Variants in ZNRF3 observed in about 807,000 individuals in gnomAD.
The protein encoded by ZNRF3 is zinc and ring finger 3, also known as E3 ubiquitin-protein ligase ZNRF3.
A neutral mutation model predicts 72.5 loss-of-function variants in ZNRF3; 23 were observed. The observed-to-expected ratio is 0.32, with a 90% CI of 0.23 to 0.45. The LOEUF (loss-of-function observed/expected upper bound fraction) is 0.45, where lower values mean the gene tolerates loss of function less well. Ranked by LOEUF, ZNRF3 falls within the 20% of genes least tolerant of loss-of-function variation. ZNRF3 has a pLI of 1.00. For synonymous variants in ZNRF3, 610 were observed against 545.3 expected (o/e 1.12, Z -1.65); for missense variants, 1,169 against 1,272.1 (o/e 0.92, Z 1.23).
At chr22:29,008,213 C>T (rs1052424226) in intron 2 of ZNRF3, among the ~76,000 whole-genome samples, 1 of 152,152 alleles carries the variant, frequency 6.6e-6, no homozygotes, top group Non-Finnish European at 1.5e-5. Flanking sequence ...AGATTGTATT[C>T]TTACTAGTGA....
intron 1 of ZNRF3, among the ~76,000 whole-genome samples, chr22:28,981,018 A>G (rs1399573120): frequency 6.6e-6 from 1 of 152,236 alleles, no homozygotes; most frequent in Admixed American, 6.5e-5. Context: ...AATGCCTATA[A>G]CTTTTAAATG....
intron 1 of ZNRF3, among the ~76,000 whole-genome samples, chr22:28,974,033 C>T (rs1041886535): frequency 1.5e-4 from 22 of 148,806 alleles, no homozygotes; most frequent in Non-Finnish European, 4.5e-5. Flanking sequence ...TCTCGGCTCA[C>T]TGCAAGCTCC....
chr22:28,952,902 G>C (rs2035190880), intron 1 of ZNRF3, among the ~76,000 whole-genome samples: 1 of 152,180 alleles, frequency 6.6e-6, no homozygotes, highest in African/African-American at 2.4e-5. Flanking sequence ...TTGACTATTA[G>C]GTCTTTTGAG....
At chr22:29,036,087 A>G (rs2036862855) in intron 2 of ZNRF3, among the ~76,000 whole-genome samples, 1 of 152,240 alleles carries the variant, frequency 6.6e-6, no homozygotes, top group Non-Finnish European at 1.5e-5. Context: ...AATGGAGGCT[A>G]TAAACCACAC....
At chr22:29,008,318 C>T (rs1012834126) in intron 2 of ZNRF3, among the ~76,000 whole-genome samples, 9 of 152,160 alleles carry the variant, frequency 5.9e-5, no homozygotes, top group African/African-American at 1.7e-4. Context: ...CCCCGAGGAA[C>T]GAGTTTGCTG....
intron 1 of ZNRF3, among the ~76,000 whole-genome samples, chr22:28,914,871 A>G (rs1277591169): frequency 2.6e-5 from 4 of 151,116 alleles, no homozygotes; most frequent in Non-Finnish European, 5.9e-5. Flanking sequence ...TTGGCAGCTG[A>G]GCTCTGTCTA....
intron 1 of ZNRF3, among the ~76,000 whole-genome samples, chr22:28,912,158 CT>C (rs1201298545): frequency 6.6e-6 from 1 of 152,116 alleles, no homozygotes; most frequent in Non-Finnish European, 1.5e-5. Flanking sequence ...CCTTCAGCAA[CT>C]TTGGAATGTT....
chr22:29,046,802 G>T lies in ZNRF3; in HGVS notation c.831G>T (p.Gly277=). The T allele has an allele frequency of 6.2e-7, 1 of 1,612,048 alleles. No homozygotes were observed. The highest frequency in any genetic ancestry group is 8.5e-7 in the Non-Finnish European group (1 of 1,179,002). Residue 277 remains glycine (G), a synonymous_variant, in exon 6 of 9, where the codon GGG becomes GGT. Coordinates refer to ENST00000544604, the MANE Select transcript of ZNRF3 (RefSeq NM_001206998.2). ...FNSKSKGRRE[G]SCGALDTLSS... ...CCAAGAGCAAGGGGCGCCGGGAGGG[G>T]AGCTGTGGGGCCCTGGACACACTCA...
chr22:29,015,706 C>T (rs988118955), intron 2 of ZNRF3, among the ~76,000 whole-genome samples: 4 of 151,662 alleles, frequency 2.6e-5, no homozygotes, highest in East Asian at 1.9e-4. Flanking sequence ...GACTTCTTTC[C>T]CTCTCCCGTG....
chr22:29,034,035 C>A (rs1458367248), intron 2 of ZNRF3, among the ~76,000 whole-genome samples: 1 of 152,202 alleles, frequency 6.6e-6, no homozygotes, highest in African/African-American at 2.4e-5. Context: ...ATGGTTTCTG[C>A]CCCCTTCGGT....
chr22:28,977,235 CTG>C (rs1476172302), intron 1 of ZNRF3, among the ~76,000 whole-genome samples: 1 of 152,214 alleles, frequency 6.6e-6, no homozygotes, highest in Non-Finnish European at 1.5e-5. Context: ...CTGGAATTCT[CTG>C]TGAAACAGCA....
chr22:28,926,397 G>C (rs2034601626), intron 1 of ZNRF3, among the ~76,000 whole-genome samples: 1 of 151,666 alleles, frequency 6.6e-6, no homozygotes, highest in African/African-American at 2.4e-5. Flanking sequence ...TACCTAGGCA[G>C]ACCTCGAACT....
rs773344855 is a variant in ZNRF3, at chr22:29,049,219, G to C, written c.1038G>C (p.Ala346=). 3 of 1,606,838 alleles carry C rather than the reference G, an allele frequency of 1.9e-6. No individual in the cohort carries two copies. Among genetic ancestry groups the C allele is most frequent in the Admixed American group, 1.7e-5 (1 of 59,392 alleles). ...CAGAACAAAAGGGAAACCCAAGCGC[G>C]GTGTGTGTGGAGACCAGCAACCTCT... The part of the protein sequence containing the change: ...NIIEQKGNPS[A]VCVETSNLSR... Residue 346 remains alanine (A), a synonymous_variant, in exon 8 of 9, where the codon GCG becomes GCC. Transcript: ENST00000544604. This position sits in a 1 kb window ranked among gnomAD's most constrained non-coding sequence, Gnocchi z 5.2.
Position 29,050,663 on chromosome 22 carries a change from C to T in ZNRF3, c.2482C>T (p.Arg828Cys), listed in dbSNP as rs1232018218. Residue 828 changes from arginine to cysteine, a missense_variant, in exon 8 of 9, where the codon CGC becomes TGC. Coordinates refer to ENST00000544604, the MANE Select transcript of ZNRF3 (RefSeq NM_001206998.2). Reference sequence around the variant, plus strand: ...CCCCGGGGCCCGGGACCTGAGCCAGCGCATCCCCATCATTCCAGAGGATGT... The same window carrying T: ...CCCCGGGGCCCGGGACCTGAGCCAGTGCATCCCCATCATTCCAGAGGATGT... ...CYPGARDLSQ[R>C]IPIIPEDVDC... 9 of 1,612,240 alleles carry T rather than the reference C, an allele frequency of 5.6e-6. No homozygotes were observed. Among genetic ancestry groups the T allele is most frequent in the African/African-American group, 2.7e-5 (2 of 75,032 alleles).
chr22:29,016,462 TATAGTC>T (rs2036440131), intron 2 of ZNRF3, among the ~76,000 whole-genome samples: 1 of 152,202 alleles, frequency 6.6e-6, no homozygotes, highest in Non-Finnish European at 1.5e-5. Context: ...GCTGAATAAT[TATAGTC>T]AAGAAAGCCT....
At chr22:28,914,763 G>A (rs1254920705) in intron 1 of ZNRF3, among the ~76,000 whole-genome samples, 11 of 150,150 alleles carry the variant, frequency 7.3e-5, no homozygotes, top group African/African-American at 2.0e-4. Flanking sequence ...GCAGTGAGCC[G>A]AGATGGCGCC....
intron 1 of ZNRF3, among the ~76,000 whole-genome samples, chr22:28,917,853 C>G (rs902799650): frequency 1.3e-5 from 2 of 152,152 alleles, no homozygotes; most frequent in Non-Finnish European, 2.9e-5. Flanking sequence ...CGTGCTGTCC[C>G]CTGGCCACCA....
At chr22:29,038,105 T>C (rs747583994) in intron 2 of ZNRF3, among the ~76,000 whole-genome samples, 8 of 152,222 alleles carry the variant, frequency 5.3e-5, no homozygotes, top group Non-Finnish European at 8.8e-5. Flanking sequence ...TTCAGAGTTT[T>C]GGACGTTAAG....
chr22:28,938,996 C>T (rs1204168678), intron 1 of ZNRF3, among the ~76,000 whole-genome samples: 1 of 152,066 alleles, frequency 6.6e-6, no homozygotes, highest in African/African-American at 2.4e-5. Flanking sequence ...ATTAATATCT[C>T]AAAATAGGCC....
Sources: allele counts gnomAD v4.1 joint callset (sites outside exome capture counted in the v4.1 genomes callset), GRCh38; gene constraint gnomAD v4.1.1; non-coding constraint Gnocchi (gnomAD v3.1); transcripts MANE v1.5; gene names NCBI Gene and HGNC (gene_info 2026-07-23, HGNC 2026-07-21).